Variants in ATRAID observed in about 807,000 individuals in gnomAD.
ATRAID encodes the protein all-trans retinoic acid-induced differentiation factor.
In ATRAID, 26 loss-of-function variants were observed where a neutral mutation model predicts 28.8. The ratio of observed to expected loss-of-function variants is 0.90; its 90% CI spans 0.66 to 1.25. The LOEUF (loss-of-function observed/expected upper bound fraction) is 1.25, where lower values mean the gene tolerates loss of function less well. Ranked by LOEUF, ATRAID falls within the 50% of genes most tolerant of loss-of-function variation. The pLI, the probability that ATRAID is intolerant of heterozygous loss-of-function variation, is 0.00. For synonymous variants in ATRAID, 131 were observed against 108.5 expected, an observed-to-expected ratio of 1.21 and a Z score of -1.29; for missense variants, 308 against 285.9, an observed-to-expected ratio of 1.08 and a Z score of -0.56.
At chr2:27,216,035 T>C (rs1443063390) in intron 5 of ATRAID, among the ~76,000 whole-genome samples, 4 of 152,200 alleles carry the variant, frequency 2.6e-5, no homozygotes, top group African/African-American at 4.8e-5. Context: ...GTGGTGGGAT[T>C]ATCATTAGTT....
In ATRAID at chr2:27,215,459, T is replaced by C. The variant is rs766723588; in HGVS notation, c.294-15T>C. The C allele has an allele frequency of 1.2e-6, 2 of 1,614,154 alleles. No individual in the cohort carries two copies. The highest frequency in any genetic ancestry group is 3.3e-5 in the Admixed American group (2 of 60,024). ...GTAGGTTGATGCGAAAGTGCTAACA[T>C]TGTGTACTTTGCAGAGACCTGCAAG... On this transcript the variant is annotated splice_polypyrimidine_tract_variant and intron_variant, in intron 3 of 6. Transcript: ENST00000380171.
rs942209597 is a variant in ATRAID at position 27,216,587 on chromosome 2, T to G, written c.552T>G (p.Ala184=). Residue 184 remains alanine (A), a synonymous_variant, in exon 6 of 7, where the codon GCT becomes GCG. Coordinates refer to ENST00000380171, the MANE Select transcript of ATRAID (RefSeq NM_001170795.4). ...CAGGTCTTTTGCAGTGTGTTTGTGC[T>G]GATGGTTTCCATGGATACAAGTGTA... The part of the protein sequence containing the change: ...DGPGLLQCVC[A]DGFHGYKCMR... The G allele has an allele frequency of 6.2e-7, 1 of 1,614,186 alleles. No homozygotes were observed. Among genetic ancestry groups the G allele is most frequent in the Admixed American group, 1.7e-5 (1 of 60,026 alleles).
intron 1 of ATRAID, 191 bp downstream of exon 1, chr2:27,212,658 G>A (rs1674632740): frequency 7.2e-7 from 1 of 1,391,112 alleles, no homozygotes; most frequent in Non-Finnish European, 9.3e-7. Context: ...CCCCAGTCCT[G>A]CCGACTTTCA....
chr2:27,213,020 A>T, intron 1 of ATRAID, 157 bp from the exon 2 acceptor site: 1 of 881,242 alleles, frequency 1.1e-6, no homozygotes, highest in East Asian at 2.6e-5. Context: ...CTCCTAGCCT[A>T]GCCTGTTACA....
chr2:27,215,635 A>T lies in ATRAID; in HGVS notation c.369A>T (p.Ile123=), dbSNP rs1674793838. 1 of 1,614,134 alleles carries T rather than the reference A, an allele frequency of 6.2e-7. No individual in the cohort carries two copies. The highest frequency in any genetic ancestry group is 1.3e-5 in the African/African-American group (1 of 74,942). ...FRGFTQLQTL[I]LPQHVNCPGG... Reference sequence around the variant, plus strand: ...TTATGACCACATTTCTCTATAGGATACTGCCACAACATGTCAACTGTCCTG... The same window carrying T: ...TTATGACCACATTTCTCTATAGGATTCTGCCACAACATGTCAACTGTCCTG... The change falls in exon 5 of 7, where the codon ATA becomes ATT. Residue 123 remains isoleucine, a synonymous_variant. Coordinates refer to ENST00000380171, the MANE Select transcript of ATRAID (RefSeq NM_001170795.4).
intron 1 of ATRAID, 108 bp from the exon 2 acceptor site, chr2:27,213,068 CG>C: frequency 1.4e-6 from 2 of 1,390,040 alleles, no homozygotes; most frequent in Non-Finnish European, 9.9e-7. Context: ...TTATCGGCCC[CG>C]TGTTAGAGGA....
intron 6 of ATRAID, 47 bp from the exon 7 acceptor site, chr2:27,216,797 C>G: frequency 1.3e-6 from 2 of 1,540,232 alleles, no homozygotes; most frequent in Non-Finnish European, 1.8e-6. Flanking sequence ...GGATGTGGCC[C>G]TCCGTGTAAC....
At chr2:27,213,383 C>G (rs891919287) in intron 2 of ATRAID, 85 bp downstream of exon 2, 2 of 1,494,112 alleles carry the variant, frequency 1.3e-6, no homozygotes, top group Non-Finnish European at 1.8e-6. Flanking sequence ...TTAAAGAATC[C>G]ACCTATTATG....
intron 1 of ATRAID, 52 bp downstream of exon 1, chr2:27,212,519 G>C: frequency 6.6e-7 from 1 of 1,511,540 alleles, no homozygotes; most frequent in Non-Finnish European, 8.8e-7. Context: ...GGCCAGCCGT[G>C]CGTCGCGCTC....
In ATRAID at chr2:27,212,285, G is replaced by C; in HGVS notation, c.-84G>C. On this transcript the variant is annotated 5_prime_UTR_variant, in exon 1 of 7. Transcript: ENST00000380171. Reference sequence around the variant, plus strand: ...GACTGGACCGGGCCGCTTAGGCCACGCCCGGGGAAGAGGGCCTGACGCGCT... The same window carrying C: ...GACTGGACCGGGCCGCTTAGGCCACCCCCGGGGAAGAGGGCCTGACGCGCT... The C allele has an allele frequency of 6.4e-7, 1 of 1,553,376 alleles. No individual in the cohort carries two copies. The highest frequency in any genetic ancestry group is 8.7e-7 in the Non-Finnish European group (1 of 1,148,586).
rs769887840 is a variant in ATRAID, at chr2:27,215,749, C to T, written c.483C>T (p.Asp161=). ...GQKNLCNNTG[D]PEMCPENGSC... ...AGAACCTTTGCAATAACACTGGGGA[C>T]CCAGGTATGCTGTCTTACCTCCAAA... is the stretch of plus-strand genomic sequence containing the variant. The change falls in exon 5 of 7, where the codon GAC becomes GAT. Residue 161 remains aspartate (D), a synonymous_variant. Transcript: ENST00000380171. The T allele has an allele frequency of 5.0e-6, 8 of 1,613,904 alleles. No homozygotes were observed. Among genetic ancestry groups the T allele is most frequent in the Non-Finnish European group, 5.1e-6 (6 of 1,179,980 alleles).
chr2:27,212,245 A>T lies in ATRAID; in HGVS notation c.-124A>T. The T allele has an allele frequency of 6.4e-7, 1 of 1,561,142 alleles. No homozygotes were observed. The highest frequency in any genetic ancestry group is 8.7e-7 in the Non-Finnish European group (1 of 1,153,192). ...AGCTCCACGAGCAGGAAAAGCCCCC[A>T]AGCAGCCCCAGGGCGACTGGACCGG... is the stretch of plus-strand genomic sequence containing the variant. On this transcript the variant is annotated 5_prime_UTR_variant, in exon 1 of 7. Transcript: ENST00000380171.
chr2:27,214,903 G>A (rs747691779), intron 2 of ATRAID, among the ~76,000 whole-genome samples: 2 of 152,198 alleles, frequency 1.3e-5, no homozygotes, highest in East Asian at 3.8e-4. Context: ...CTACTAACGT[G>A]GTTATTCCAT....
At chr2:27,212,620 A>G (rs1674628526) in intron 1 of ATRAID, 153 bp downstream of exon 1, 2 of 1,420,816 alleles carry the variant, frequency 1.4e-6, no homozygotes, top group East Asian at 2.7e-5. Flanking sequence ...CCTGTTCCCA[A>G]GTACTCACGT....
intron 2 of ATRAID, chr2:27,213,582 C>T: frequency 6.9e-6 from 2 of 291,520 alleles, no homozygotes; most frequent in South Asian, 9.2e-5. Flanking sequence ...CCTTCATCTA[C>T]CTAAATACTT....
chr2:27,216,608 G>A lies in ATRAID; in HGVS notation c.573G>A (p.Lys191=), dbSNP rs757188443. ...GTGCTGATGGTTTCCATGGATACAA[G>A]TGTATGCGCCAGGTGAGGAATTAGG... ...CVCADGFHGY[K]CMRQGSFSLL... is the part of the protein sequence containing the mutation. Residue 191 remains lysine (K), a synonymous_variant, in exon 6 of 7, where the codon AAG becomes AAA. Coordinates refer to ENST00000380171, the MANE Select transcript of ATRAID (RefSeq NM_001170795.4). The A allele has an allele frequency of 1.1e-5, 18 of 1,613,568 alleles. No homozygotes were observed. Among genetic ancestry groups the A allele is most frequent in the African/African-American group, 2.7e-5 (2 of 74,902 alleles).
At chr2:27,213,036 G>A in intron 1 of ATRAID, 141 bp from the exon 2 acceptor site, 1 of 1,041,242 alleles carries the variant, frequency 9.6e-7, no homozygotes, top group African/African-American at 1.6e-5. Context: ...TTACAAGGGT[G>A]GGACACGAGC....
In ATRAID at chr2:27,215,322, C is replaced by G; in HGVS notation, c.223C>G (p.Leu75Val). ...ATATTGATTACTTTATTTCCTCAGGCTGGATCTCCAGAACTGTTCTCTGGA... is the reference window on the plus strand; with the variant it reads ...ATATTGATTACTTTATTTCCTCAGGGTGGATCTCCAGAACTGTTCTCTGGA... ...CLNQKGTILG[L>V]DLQNCSLEDP... is the part of the protein sequence containing the mutation. Residue 75 changes from leucine (L) to valine (V), a missense_variant and splice_region_variant, in exon 3 of 7, where the codon CTG becomes GTG. By Grantham distance (32) the Leu-to-Val change is conservative. Coordinates refer to ENST00000380171, the MANE Select transcript of ATRAID (RefSeq NM_001170795.4). 1 of 1,614,042 alleles carries G rather than the reference C, an allele frequency of 6.2e-7. No homozygotes were observed. Among genetic ancestry groups the G allele is most frequent in the East Asian group, 2.2e-5 (1 of 44,890 alleles).
intron 1 of ATRAID, 69 bp from the exon 2 acceptor site, chr2:27,213,108 T>G: frequency 6.3e-7 from 1 of 1,579,736 alleles, no homozygotes; most frequent in East Asian, 2.3e-5. Flanking sequence ...GGCAGTTAAT[T>G]CTTGATCGCC....
Sources: gnomAD v4.1 joint callset for allele counts (sites outside exome capture counted in the v4.1 genomes callset) on GRCh38, gnomAD v4.1.1 for gene constraint, MANE v1.5 for transcripts, NCBI Gene and HGNC (gene_info 2026-07-23, HGNC 2026-07-21) for gene names.